Variants in CTTNBP2 observed in about 807,000 individuals in gnomAD.
CTTNBP2 encodes the protein cortactin binding protein 2.
In CTTNBP2, 108 loss-of-function variants were observed where a neutral mutation model predicts 156.9. The ratio of observed to expected loss-of-function variants is 0.69; its 90% CI spans 0.59 to 0.81. The LOEUF (loss-of-function observed/expected upper bound fraction) is 0.81, where lower values mean the gene tolerates loss of function less well. CTTNBP2 is among the 30% of genes least tolerant of loss of function. CTTNBP2 has a pLI of 0.00. For synonymous variants in CTTNBP2, 767 were observed against 751.8 expected (o/e 1.02, Z -0.33); for missense variants, 1,924 against 2,035.4 (o/e 0.95, Z 1.05).
chr7:117,839,403 G>C (rs2117123234), intron 2 of CTTNBP2, among the ~76,000 whole-genome samples: 1 of 152,302 alleles, frequency 6.6e-6, no homozygotes, highest in Non-Finnish European at 1.5e-5. Flanking sequence ...CCTAAGCCCT[G>C]TGTCAGAACC....
intron 3 of CTTNBP2, among the ~76,000 whole-genome samples, chr7:117,801,089 A>T (rs1200346110): frequency 6.6e-6 from 1 of 152,188 alleles, no homozygotes. Flanking sequence ...CTCCACACTG[A>T]TGTAATAAAC....
chr7:117,840,750 G>A (rs1802222239), intron 2 of CTTNBP2, among the ~76,000 whole-genome samples: 1 of 152,188 alleles, frequency 6.6e-6, no homozygotes, highest in Admixed American at 6.5e-5. Context: ...ATGTTCTCCA[G>A]CAGAAAATCT....
intron 2 of CTTNBP2, among the ~76,000 whole-genome samples, chr7:117,819,227 C>T (rs1332712293): frequency 1.3e-5 from 2 of 152,062 alleles, no homozygotes; most frequent in Non-Finnish European, 2.9e-5. Flanking sequence ...GGGGAAAATC[C>T]TATTTGTAAA....
chr7:117,860,865 C>T (rs1803680821), intron 2 of CTTNBP2, among the ~76,000 whole-genome samples: 1 of 152,208 alleles, frequency 6.6e-6, no homozygotes, highest in Non-Finnish European at 1.5e-5. Context: ...ACTGCCCTCA[C>T]ATACATGTAG....
Position 117,854,771 on chromosome 7 carries a change from A to T in CTTNBP2, c.189+6438T>A, listed in dbSNP as rs564651771. Among the ~76,000 whole-genome samples the T allele has an allele frequency of 4.0e-3, 596 of 148,786 alleles. 6 individuals carry two copies. The highest frequency in any genetic ancestry group is 0.015 in the African/African-American group (573 of 38,730). On this transcript the variant is annotated intron_variant, in intron 2 of 22. Coordinates refer to ENST00000160373, the MANE Select transcript of CTTNBP2 (RefSeq NM_033427.3). ...TTATTTTAGCAAAAATAGATGATTT[A>T]ATTAATTAATTAATTTATTTATTTA...
intron 22 of CTTNBP2, chr7:117,712,511 A>C (rs991490957): frequency 6.6e-6 from 1 of 152,212 alleles, no homozygotes; most frequent in South Asian, 2.1e-4. Flanking sequence ...AAATTCTGCA[A>C]ACTAACAAAC....
rs145107757 is a variant in CTTNBP2, at chr7:117,728,173, C to T, written c.3971G>A (p.Arg1324His). The change falls in exon 17 of 23, where the codon CGC becomes CAC. Residue 1324 changes from arginine (R) to histidine (H), a missense_variant. Transcript: ENST00000160373. ...VWRQLNSCLA[R>H]LGTPEALLGP... ...AAGAAGTGCTTCAGGTGTGCCCAAGCGGGCCAGGCAGGAGTTAAGCTGACG... is the reference window on the plus strand; with the variant it reads ...AAGAAGTGCTTCAGGTGTGCCCAAGTGGGCCAGGCAGGAGTTAAGCTGACG... The T allele has an allele frequency of 1.1e-4, 176 of 1,614,126 alleles. 1 individual carries two copies. In the African/African-American group the frequency reaches 1.8e-3, roughly 17 times the overall value.
intron 12 of CTTNBP2, among the ~76,000 whole-genome samples, chr7:117,751,857 G>A (rs1796635454): frequency 6.6e-6 from 1 of 152,188 alleles, no homozygotes; most frequent in African/African-American, 2.4e-5. Context: ...AATTCATGAA[G>A]TTTTTCTGCT....
chr7:117,792,375 T>TCACTTC lies in CTTNBP2; in HGVS notation c.815_820dup (p.Gly272_Ser273dup). On this transcript the variant is annotated inframe_insertion, in exon 4 of 23. Transcript: ENST00000160373. The surrounding 1 kb of genome is among the most constrained non-coding windows in gnomAD (Gnocchi z 4.2). ...TGGAAGAGAGAGGCTTGGTTTGCTG[T>TCACTTC]CACTTCCCCTTTTCAGTTGCTCAAT... The TCACTTC allele has an allele frequency of 6.2e-7, 1 of 1,614,222 alleles. No individual in the cohort carries two copies. The highest frequency in any genetic ancestry group is 8.5e-7 in the Non-Finnish European group (1 of 1,180,040).
At position 117,782,906 on chromosome 7, in the gene CTTNBP2, A is replaced by G; in HGVS notation, c.2328T>C (p.Asn776=). The G allele has an allele frequency of 6.2e-7, 1 of 1,614,118 alleles. No individual in the cohort carries two copies. The highest frequency in any genetic ancestry group is 1.1e-5 in the South Asian group (1 of 91,080). The part of the protein sequence containing the change: ...AEAQVNAADK[N]GFTPLCAAAA... The stretch of plus-strand genomic sequence containing the variant: ...CTGCAGCACACAAGGGTGTGAAGCC[A>G]TTTTTATCAGCAGCATTGACTTGGG... Residue 776 remains asparagine, a synonymous_variant, in exon 6 of 23, where the codon AAT becomes AAC. Transcript: ENST00000160373.
chr7:117,830,893 G>GAAT, intron 2 of CTTNBP2, among the ~76,000 whole-genome samples: 1 of 152,228 alleles, frequency 6.6e-6, no homozygotes, highest in East Asian at 1.9e-4. Context: ...CTTTGGAGAT[G>GAAT]AATAGCCTAG....
chr7:117,725,354 A>T (rs1178881987), intron 17 of CTTNBP2, 97 bp from the exon 18 acceptor site: 1 of 1,106,452 alleles, frequency 9.0e-7, no homozygotes, highest in Non-Finnish European at 1.4e-6. Flanking sequence ...TGGGGAAAAA[A>T]CGTTAAGTGT....
At chr7:117,734,234 CT>C (rs1301437703) in intron 16 of CTTNBP2, among the ~76,000 whole-genome samples, 1 of 152,216 alleles carries the variant, frequency 6.6e-6, no homozygotes, top group Non-Finnish European at 1.5e-5. Context: ...GCTTAAAATC[CT>C]GCAATAATGC....
intron 12 of CTTNBP2, among the ~76,000 whole-genome samples, chr7:117,746,471 T>C (rs1796337418): frequency 6.6e-6 from 1 of 152,240 alleles, no homozygotes; most frequent in Non-Finnish European, 1.5e-5. Flanking sequence ...TCAATGCTTA[T>C]TTAGCTTGTT....
chr7:117,816,016 T>A (rs935600262), intron 2 of CTTNBP2, among the ~76,000 whole-genome samples: 6 of 152,126 alleles, frequency 3.9e-5, no homozygotes, highest in Non-Finnish European at 7.3e-5. Context: ...CTTAGGAAAA[T>A]AGCAGATGTA....
chr7:117,814,984 T>G (rs536913582), intron 2 of CTTNBP2, among the ~76,000 whole-genome samples: 1 of 152,228 alleles, frequency 6.6e-6, no homozygotes, highest in Non-Finnish European at 1.5e-5. Flanking sequence ...CCTAAAAGCA[T>G]GAAAACCAGG....
At chr7:117,774,774 T>TG (rs973448209) in intron 8 of CTTNBP2, among the ~76,000 whole-genome samples, 2 of 152,144 alleles carry the variant, frequency 1.3e-5, no homozygotes, top group African/African-American at 4.8e-5. Flanking sequence ...GTCATCTTCT[T>TG]GGGTAGCAAC....
intron 2 of CTTNBP2, among the ~76,000 whole-genome samples, chr7:117,828,963 A>G (rs1290534716): frequency 6.6e-6 from 1 of 152,252 alleles, no homozygotes; most frequent in African/African-American, 2.4e-5. Context: ...GATGCTAATC[A>G]TTTCCTGACT....
At chr7:117,760,960 T>C (rs1469632349) in intron 9 of CTTNBP2, among the ~76,000 whole-genome samples, 2 of 152,118 alleles carry the variant, frequency 1.3e-5, no homozygotes, top group African/African-American at 4.8e-5. Flanking sequence ...TTCTATTTCA[T>C]TAACTCTTTC....
Sources: gnomAD v4.1 joint callset for allele counts (sites outside exome capture counted in the v4.1 genomes callset) on GRCh38, gnomAD v4.1.1 for gene constraint, Gnocchi (gnomAD v3.1) non-coding constraint, MANE v1.5 for transcripts, NCBI Gene and HGNC (gene_info 2026-07-23, HGNC 2026-07-21) for gene names.